CFAP46: variants seen among roughly 807,000 people sequenced by gnomAD.
CFAP46 encodes the protein cilia- and flagella-associated protein 46.
A neutral mutation model predicts 325.7 loss-of-function variants in CFAP46; 245 were observed. The observed-to-expected ratio is 0.75, with a 90% CI of 0.68 to 0.84. The LOEUF (loss-of-function observed/expected upper bound fraction) is 0.84. Ranked by LOEUF, CFAP46 falls within the 40% of genes least tolerant of loss-of-function variation. The pLI is 0.00. For synonymous variants in CFAP46, 1,523 were observed against 1,495.9 expected (o/e 1.02, Z -0.42); for missense variants, 3,346 against 3,543.0 (o/e 0.94, Z 1.41).
intron 33 of CFAP46, among the ~76,000 whole-genome samples, chr10:132,868,667 A>G (rs148340479): frequency 0.013 from 1,972 of 152,360 alleles, 23 homozygotes; most frequent in South Asian, 0.044. Context: ...GATGGGGCCA[A>G]TCGTGAGCTT....
chr10:132,826,326 G>A lies in CFAP46; in HGVS notation c.7117+7032C>T, dbSNP rs189791721. Among the ~76,000 whole-genome samples, 98 of 140,224 alleles carry A rather than the reference G, an allele frequency of 7.0e-4. 1 individual carries two copies. Among genetic ancestry groups the A allele is most frequent in the Non-Finnish European group, 1.2e-3 (80 of 65,180 alleles). 92.0% of individuals were successfully genotyped at this position (140,224 alleles called of 152,430 possible). Reference sequence around the variant, plus strand: ...AGAGCCAGGCAGGAGTCGGAGCCACGGAGCCAGGCAGGAACTGGAGCCACA... The same window carrying A: ...AGAGCCAGGCAGGAGTCGGAGCCACAGAGCCAGGCAGGAACTGGAGCCACA... On this transcript the variant is annotated intron_variant, in intron 50 of 57. Coordinates refer to ENST00000368586, the MANE Select transcript of CFAP46 (RefSeq NM_001200049.3).
At chr10:132,824,883 A>T (rs1226353595) in intron 50 of CFAP46, among the ~76,000 whole-genome samples, 2 of 87,016 alleles carry the variant, frequency 2.3e-5, no homozygotes, top group Non-Finnish European at 4.4e-5. Flanking sequence ...CTGTGTGTGC[A>T]GTGATGTGTG....
In CFAP46 at chr10:132,846,218, C is replaced by A; in HGVS notation, c.6277G>T (p.Ala2093Ser). The A allele has an allele frequency of 6.2e-7, 1 of 1,611,678 alleles. No individual in the cohort carries two copies. Among genetic ancestry groups the A allele is most frequent in the Non-Finnish European group, 8.5e-7 (1 of 1,179,536 alleles). Residue 2093 changes from alanine (A) to serine (S), a missense_variant, in exon 44 of 58, where the codon GCC (alanine) becomes TCC (serine). Coordinates refer to ENST00000368586, the MANE Select transcript of CFAP46 (RefSeq NM_001200049.3). ...AGGACATCCCTCATCGTCTCTGAGGCCGAGCAGCTCTGAAAGGGAGCAGGG... is the reference window on the plus strand; with the variant it reads ...AGGACATCCCTCATCGTCTCTGAGGACGAGCAGCTCTGAAAGGGAGCAGGG... ...QFLALSQSCS[A>S]SETMRDVLLA...
At chr10:132,918,560 T>C (rs1484136172) in intron 15 of CFAP46, 40 bp from the exon 16 acceptor site, 1 of 1,489,836 alleles carries the variant, frequency 6.7e-7, no homozygotes, top group Non-Finnish European at 9.0e-7. Context: ...TGTTTTTTTC[T>C]AGCAAATAAA....
intron 50 of CFAP46, among the ~76,000 whole-genome samples, chr10:132,826,102 A>C (rs1848042553): frequency 8.1e-6 from 1 of 122,776 alleles, no homozygotes; most frequent in Non-Finnish European, 1.7e-5. Flanking sequence ...AGCCACAGAG[A>C]CCAGCCACGG....
At chr10:132,933,052 G>GTCTTACC in intron 8 of CFAP46, among the ~76,000 whole-genome samples, 1 of 152,364 alleles carries the variant, frequency 6.6e-6, no homozygotes, top group South Asian at 2.1e-4. Flanking sequence ...AGTAATCACA[G>GTCTTACC]TCTTACCGGG....
chr10:132,938,840 G>A (rs1850055354), intron 4 of CFAP46, 87 bp from the exon 5 acceptor site: 3 of 1,354,866 alleles, frequency 2.2e-6, no homozygotes, highest in East Asian at 2.3e-5. Context: ...TGTCTCCGGA[G>A]CCCCTCCCAG....
At chr10:132,940,476 T>C (rs1452352524) in intron 4 of CFAP46, among the ~76,000 whole-genome samples, 11 of 152,284 alleles carry the variant, frequency 7.2e-5, no homozygotes, top group Non-Finnish European at 1.6e-4. Context: ...TTGGCCAAGT[T>C]GTCCGCTAGG....
intron 39 of CFAP46, among the ~76,000 whole-genome samples, chr10:132,851,738 A>T (rs1848551188): frequency 6.6e-6 from 1 of 152,252 alleles, no homozygotes. Flanking sequence ...CACGCGCCAC[A>T]CCCTGCTTAT....
In CFAP46 at chr10:132,832,397, C is replaced by G. The variant is rs865900806; in HGVS notation, c.7117+961G>C. 1.4e-3 allele frequency among the ~76,000 whole-genome samples: 194 copies of G among 142,794 alleles called. 11 individuals carry two copies. Among genetic ancestry groups the G allele is most frequent in the Non-Finnish European group, 1.6e-3 (104 of 64,948 alleles). 93.7% of individuals were successfully genotyped at this position (142,794 alleles called of 152,430 possible). On this transcript the variant is annotated intron_variant, in intron 50 of 57. Transcript: ENST00000368586. The surrounding 1 kb of genome is among the most constrained non-coding windows in gnomAD (Gnocchi z 4.1). ...CCCCTGGGCTCTTCCTGCCCCCCCCCCCCAATGCTGTGGCCTGGAAATTCC... is the reference window on the plus strand; with the variant it reads ...CCCCTGGGCTCTTCCTGCCCCCCCCGCCCAATGCTGTGGCCTGGAAATTCC...
chr10:132,867,668 G>A (rs533701642), intron 33 of CFAP46, among the ~76,000 whole-genome samples, 161 bp from the exon 34 acceptor site: 2 of 152,244 alleles, frequency 1.3e-5, no homozygotes, highest in African/African-American at 4.8e-5. Context: ...CGGCACATCC[G>A]ACTCCCAAAT....
intron 50 of CFAP46, among the ~76,000 whole-genome samples, chr10:132,824,366 C>T (rs1198765982): frequency 2.5e-5 from 3 of 117,648 alleles, no homozygotes; most frequent in Non-Finnish European, 5.1e-5. Context: ...CTGATGTGTG[C>T]TGTGTGAGTG....
chr10:132,821,974 ATG>A (rs1352513780), intron 50 of CFAP46, among the ~76,000 whole-genome samples: 1 of 88,426 alleles, frequency 1.1e-5, no homozygotes, highest in Admixed American at 1.5e-4. Flanking sequence ...GTGTGCGCTG[ATG>A]TGTGCTGTGT....
At chr10:132,872,570 G>A in intron 32 of CFAP46, 106 bp downstream of exon 32, 2 of 1,292,178 alleles carry the variant, frequency 1.5e-6, no homozygotes, top group East Asian at 2.5e-5. Context: ...CAAGTCCCAG[G>A]GACTTTATTA....
intron 22 of CFAP46, 133 bp downstream of exon 22, chr10:132,908,335 C>T (rs1416883602): frequency 2.7e-6 from 3 of 1,119,506 alleles, no homozygotes; most frequent in Non-Finnish European, 3.8e-6. Context: ...GTGATCGCGG[C>T]CCAGGCCCGC....
At chr10:132,881,595 G>A (rs1328722394) in intron 27 of CFAP46, among the ~76,000 whole-genome samples, 2 of 152,104 alleles carry the variant, frequency 1.3e-5, no homozygotes, top group African/African-American at 2.4e-5. Flanking sequence ...TCAGCCCTGA[G>A]AGCCAGGGTT....
At chr10:132,937,321 C>T (rs544926218) in intron 6 of CFAP46, 27 of 559,768 alleles carry the variant, frequency 4.8e-5, no homozygotes, top group Non-Finnish European at 7.6e-5. Context: ...TAAAGAGCGA[C>T]GATAAAGGCA....
chr10:132,932,684 C>T (rs376395143), intron 8 of CFAP46, among the ~76,000 whole-genome samples: 1 of 142,696 alleles, frequency 7.0e-6, no homozygotes, highest in Non-Finnish European at 1.5e-5. Flanking sequence ...GTAGGCGTGC[C>T]GCCAACCGCA....
Position 132,885,809 on chromosome 10 carries a change from G to GGGAGCACTCACAGGCGGTGGGT in CFAP46, c.3443+11_3443+12insACCCACCGCCTGTGAGTGCTCC. ...GGAGGGAGCACTCACAGGCGGTGGG[G>GGGAGCACTCACAGGCGGTGGGT]GGAGCACTCACAGGCGGTGGGCCGT... On this transcript the variant is annotated intron_variant, in intron 26 of 57. Transcript: ENST00000368586. 6.5e-7 allele frequency: 1 copy of GGGAGCACTCACAGGCGGTGGGT among 1,544,888 alleles called. No individual in the cohort carries two copies.
Sources: allele counts gnomAD v4.1 joint callset (sites outside exome capture counted in the v4.1 genomes callset), GRCh38; gene constraint gnomAD v4.1.1; non-coding constraint Gnocchi (gnomAD v3.1); transcripts MANE v1.5; gene names NCBI Gene and HGNC (gene_info 2026-07-23, HGNC 2026-07-21).